Variants in HMGB3 observed in about 807,000 individuals in gnomAD.
HMGB3 encodes high mobility group protein B3.
HMGB3 carries 1 observed loss-of-function variant against 12.9 expected under a neutral mutation model. That is an observed-to-expected ratio of 0.08 (90% CI 0.03 to 0.37). The LOEUF is 0.37. HMGB3 is among the 10% of genes least tolerant of loss of function. The pLI is 0.99. For synonymous variants in HMGB3, 61 were observed against 53.9 expected (o/e 1.13, Z -0.57); for missense variants, 74 against 153.3 (o/e 0.48, Z 2.73).
Position 150,986,053 on chromosome X carries a change from G to T in HMGB3, c.153G>T (p.Thr51=), listed in dbSNP as rs782682962. 1.2e-5 allele frequency: 14 copies of T among 1,203,948 alleles called. No individual in the cohort carries two copies. The highest frequency in any genetic ancestry group is 1.8e-5 in the South Asian group (1 of 56,127). ...TTAACGAGTCCTGTTCTTTGCAGAC[G>T]ATGTCCGGGAAAGAGAAATCTAAAT... ...FSKKCSERWK[T]MSGKEKSKFD... The change falls in exon 3 of 5, where the codon ACG becomes ACT. Residue 51 remains threonine (T), a splice_region_variant and synonymous_variant. Coordinates refer to ENST00000325307, the MANE Select transcript of HMGB3 (RefSeq NM_005342.4).
rs1276768627 is a variant in HMGB3, at chrX:150,984,532, G to T, written c.-5-1063G>T. 61 of 631,637 alleles carry T rather than the reference G, an allele frequency of 9.7e-5. No homozygotes were observed. The African/African-American group carries it at 1.5e-3, about 16-fold the overall frequency. The allele number at this position is 631,637 out of a possible 1,213,427, so 52.1% of individuals were successfully genotyped here. ...CGCACACCCCCCGCGCACCGCCACC[G>T]CCGCCGCCCCCGGCCCCGCGCGTCC... On this transcript the variant is annotated intron_variant, in intron 1 of 4. Coordinates refer to ENST00000325307, the MANE Select transcript of HMGB3 (RefSeq NM_005342.4).
chrX:150,982,077 C>T (rs782313819), upstream of HMGB3, among the ~76,000 whole-genome samples: 1 of 112,323 alleles, frequency 8.9e-6, no homozygotes, highest in Non-Finnish European at 1.9e-5. Context: ...TTTTCTCCAA[C>T]TGTCAATCTT....
chrX:150,984,075 C>T (rs1354389510), intron 1 of HMGB3, among the ~76,000 whole-genome samples: 4 of 99,971 alleles, frequency 4.0e-5, no homozygotes, highest in African/African-American at 1.4e-4. Flanking sequence ...ACATGGCTGG[C>T]GCGGCGCTGG....
chrX:150,990,042 C>T lies in HMGB3; in HGVS notation c.*2128C>T, dbSNP rs782340273. The stretch of plus-strand genomic sequence containing the variant: ...ACTTGTTCCAGAATTTCCCCTCCTG[C>T]TTCAGCCATGTCCTTGTCACTTGGC... On this transcript the variant is annotated 3_prime_UTR_variant, in exon 5 of 5. Coordinates refer to ENST00000325307, the MANE Select transcript of HMGB3 (RefSeq NM_005342.4). The T allele has an allele frequency of 2.0e-4, 22 of 112,418 alleles. No homozygotes were observed. The highest frequency in any genetic ancestry group is 3.6e-4 in the Non-Finnish European group (19 of 53,331). The allele number at this position is 112,418 out of a possible 1,213,427, so 9.3% of individuals were successfully genotyped here. A position where few individuals can be genotyped will look rare whatever the true frequency, so the allele number is the denominator to read the frequency against.
At chrX:150,982,338 C>T (rs1476613208), upstream of HMGB3, among the ~76,000 whole-genome samples, 1 of 111,992 alleles carries the variant, frequency 8.9e-6, no homozygotes, top group African/African-American at 3.3e-5. Flanking sequence ...GACACTGCGG[C>T]TCCTATACTT....
In HMGB3 at chrX:150,988,034, G is replaced by A; in HGVS notation, c.*120G>A. 3 of 955,473 alleles carry A rather than the reference G, an allele frequency of 3.1e-6. No homozygotes were observed. The highest frequency in any genetic ancestry group is 2.9e-5 in the Admixed American group (1 of 34,107). 78.7% of individuals were successfully genotyped at this position (955,473 alleles called of 1,213,427 possible). ...AGGTTTAATTACAAAATTTGATCACGATCATATTGTAGTCTCTCAAAGTGC... is the reference window on the plus strand; with the variant it reads ...AGGTTTAATTACAAAATTTGATCACAATCATATTGTAGTCTCTCAAAGTGC... On this transcript the variant is annotated 3_prime_UTR_variant, in exon 5 of 5. Coordinates refer to ENST00000325307, the MANE Select transcript of HMGB3 (RefSeq NM_005342.4).
At chrX:150,983,446 G>A (rs1467273426) in intron 1 of HMGB3, 70 bp downstream of exon 1, 18 of 345,194 alleles carry the variant, frequency 5.2e-5, no homozygotes, top group Non-Finnish European at 5.8e-5. Context: ...CGCCGCCGCC[G>A]CCGCCGCAGC....
At chrX:150,983,559 T>G in intron 1 of HMGB3, 183 bp downstream of exon 1, 1 of 748,046 alleles carries the variant, frequency 1.3e-6, no homozygotes, top group Non-Finnish European at 1.6e-6. Context: ...CCTTCCCTCC[T>G]GCTAGGCGGC....
chrX:150,984,577 G>C, intron 1 of HMGB3: 1 of 748,452 alleles, frequency 1.3e-6, no homozygotes, highest in Non-Finnish European at 1.6e-6. Context: ...GACAGCGGCG[G>C]ATTTCAGGGG....
rs782024707 is a variant in HMGB3 at position 150,988,694 on chromosome X, G to C, written c.*780G>C. 3 of 112,039 alleles carry C rather than the reference G, an allele frequency of 2.7e-5. No homozygotes were observed. The highest frequency in any genetic ancestry group is 5.6e-5 in the Non-Finnish European group (3 of 53,179). 9.2% of individuals were successfully genotyped at this position (112,039 alleles called of 1,213,427 possible). ...CCTGTACTTAAACACGATTCGCAACGTTCTGTTATTTTTTTTGTATGTTTA... is the reference window on the plus strand; with the variant it reads ...CCTGTACTTAAACACGATTCGCAACCTTCTGTTATTTTTTTTGTATGTTTA... On this transcript the variant is annotated 3_prime_UTR_variant, in exon 5 of 5. Coordinates refer to ENST00000325307, the MANE Select transcript of HMGB3 (RefSeq NM_005342.4).
At chrX:150,985,565 T>C (rs782626457) in intron 1 of HMGB3, 30 bp from the exon 2 acceptor site, 5 of 1,135,133 alleles carry the variant, frequency 4.4e-6, no homozygotes, top group African/African-American at 3.6e-5. Context: ...CTTTTCCTCA[T>C]TGTATTTCTT....
At position 150,989,161 on chromosome X, in the gene HMGB3, T is replaced by C. The variant is rs956024580; in HGVS notation, c.*1247T>C. ...TGGTGTGTCAAAAATTAAGGCCTTA[T>C]TGTTTTTCTCTTTCACCCCTACCCC... On this transcript the variant is annotated 3_prime_UTR_variant, in exon 5 of 5. Coordinates refer to ENST00000325307, the MANE Select transcript of HMGB3 (RefSeq NM_005342.4). 8 of 111,690 alleles carry C rather than the reference T, an allele frequency of 7.2e-5. No homozygotes were observed. Among genetic ancestry groups the C allele is most frequent in the Non-Finnish European group, 1.1e-4 (6 of 53,127 alleles). 9.2% of individuals were successfully genotyped at this position (111,690 alleles called of 1,213,427 possible). A position where few individuals can be genotyped will look rare whatever the true frequency, so the allele number is the denominator to read the frequency against.
chrX:150,984,086 C>G (rs1466810428), intron 1 of HMGB3, among the ~76,000 whole-genome samples: 1 of 100,353 alleles, frequency 1.0e-5, no homozygotes, highest in Non-Finnish European at 2.1e-5. Context: ...GCGGCGCTGG[C>G]CTCCGGCGAG....
Position 150,990,688 on chromosome X carries a change from G to A in HMGB3, c.*2774G>A, listed in dbSNP as rs2048103826. On this transcript the variant is annotated 3_prime_UTR_variant, in exon 5 of 5. Coordinates refer to ENST00000325307, the MANE Select transcript of HMGB3 (RefSeq NM_005342.4). ...ACTATTGTCTGTGTCTCCTGTGTGT[G>A]TCTGTTCTTGTCACAAATGTATTTG... is the stretch of plus-strand genomic sequence containing the variant. 1 of 111,378 alleles carries A rather than the reference G, an allele frequency of 9.0e-6. No individual in the cohort carries two copies. The highest frequency in any genetic ancestry group is 3.7e-4 in the South Asian group (1 of 2,669). 9.2% of individuals were successfully genotyped at this position (111,378 alleles called of 1,213,427 possible). A position where few individuals can be genotyped will look rare whatever the true frequency, so the allele number is the denominator to read the frequency against.
intron 1 of HMGB3, among the ~76,000 whole-genome samples, chrX:150,984,308 G>C (rs1354709216): frequency 1.0e-4 from 9 of 87,776 alleles, no homozygotes; most frequent in African/African-American, 3.2e-4. Flanking sequence ...GGGCCCCCGA[G>C]CCCCCGGGCG....
intron 1 of HMGB3, among the ~76,000 whole-genome samples, chrX:150,983,812 C>A (rs1211082988): frequency 9.4e-6 from 1 of 106,537 alleles, no homozygotes; most frequent in Admixed American, 9.7e-5. Context: ...GCCGGGAGTT[C>A]CCCGGCCCGC....
upstream of HMGB3, among the ~76,000 whole-genome samples, chrX:150,982,906 C>T (rs891198654): frequency 8.8e-6 from 1 of 113,199 alleles, no homozygotes; most frequent in Non-Finnish European, 1.9e-5. Context: ...GGGTGTTTCC[C>T]CGGGCAGGGG....
chrX:150,984,486 C>T (rs1603339493), intron 1 of HMGB3: 2 of 162,579 alleles, frequency 1.2e-5, no homozygotes, highest in Non-Finnish European at 2.0e-5. Context: ...CCACCAGTGC[C>T]GCGGCTGCCG....
At chrX:150,984,977 G>A (rs182956427) in intron 1 of HMGB3, among the ~76,000 whole-genome samples, 204 of 111,876 alleles carry the variant, frequency 1.8e-3, no homozygotes, top group Non-Finnish European at 2.8e-3. Flanking sequence ...CCTTTAGATA[G>A]TGACGAAGTG....
Sources: gnomAD v4.1 joint callset for allele counts (sites outside exome capture counted in the v4.1 genomes callset) on GRCh38, gnomAD v4.1.1 for gene constraint, MANE v1.5 for transcripts, NCBI Gene and HGNC (gene_info 2026-07-23, HGNC 2026-07-21) for gene names.